The following EYA2 variants were observed in gnomAD, a reference collection of about 807,000 sequenced individuals.
EYA2 encodes the protein protein phosphatase EYA2.
EYA2 carries 31 observed loss-of-function variants against 69.2 expected under a neutral mutation model. The ratio of observed to expected loss-of-function variants is 0.45; its 90% CI spans 0.34 to 0.60. EYA2 has a LOEUF of 0.60. Ranked by LOEUF, EYA2 falls within the 20% of genes least tolerant of loss-of-function variation. The pLI is 0.02. For synonymous variants in EYA2, 257 were observed against 279.4 expected (o/e 0.92, Z 0.80); for missense variants, 622 against 701.2 (o/e 0.89, Z 1.28).
intron 1 of EYA2, among the ~76,000 whole-genome samples, chr20:46,948,129 AG>A (rs1160594803): frequency 1.3e-5 from 2 of 151,902 alleles, no homozygotes; most frequent in African/African-American, 2.4e-5. Context: ...AAAAAGAAAA[AG>A]AAAAAAGAAA....
At chr20:47,118,208 G>A (rs1474791217) in intron 9 of EYA2, among the ~76,000 whole-genome samples, 4 of 152,244 alleles carry the variant, frequency 2.6e-5, no homozygotes, top group South Asian at 4.1e-4. Context: ...CCCCACTGGG[G>A]GTTAAACCTT....
intron 10 of EYA2, among the ~76,000 whole-genome samples, chr20:47,152,736 A>G (rs1298964266): frequency 6.6e-6 from 1 of 151,170 alleles, no homozygotes; most frequent in Non-Finnish European, 1.5e-5. Context: ...ACTCGAACCC[A>G]GGAGGCAATG....
intron 9 of EYA2, among the ~76,000 whole-genome samples, chr20:47,119,648 A>T (rs2032994531): frequency 6.6e-6 from 1 of 152,160 alleles, no homozygotes; most frequent in South Asian, 2.1e-4. Flanking sequence ...GTTACTAGGG[A>T]CTGGGGGTAG....
intron 5 of EYA2, among the ~76,000 whole-genome samples, chr20:47,034,425 T>G (rs373737851): frequency 7.2e-5 from 11 of 152,238 alleles, no homozygotes; most frequent in South Asian, 2.1e-4. Context: ...AAAAACTGTG[T>G]GGGGGCAGGG....
chr20:47,037,296 C>A (rs1330431930), intron 5 of EYA2, among the ~76,000 whole-genome samples: 1 of 152,148 alleles, frequency 6.6e-6, no homozygotes, highest in Non-Finnish European at 1.5e-5. Context: ...GGACACAAAG[C>A]CTAACCATAT....
At chr20:47,158,678 G>A (rs1283542444) in intron 10 of EYA2, among the ~76,000 whole-genome samples, 2 of 151,934 alleles carry the variant, frequency 1.3e-5, no homozygotes, top group Non-Finnish European at 2.9e-5. Flanking sequence ...CTAGGGCTGG[G>A]CCAAGAACTA....
At chr20:47,061,297 C>T (rs2030872996) in intron 5 of EYA2, among the ~76,000 whole-genome samples, 1 of 152,128 alleles carries the variant, frequency 6.6e-6, no homozygotes. Flanking sequence ...GAGGCCTAGG[C>T]AGGAGGATCC....
intron 8 of EYA2, among the ~76,000 whole-genome samples, chr20:47,091,945 G>A (rs953235284): frequency 2.0e-5 from 3 of 152,138 alleles, no homozygotes; most frequent in African/African-American, 7.2e-5. Flanking sequence ...TATCCCAGTG[G>A]CCTAGCTTGG....
intron 10 of EYA2, chr20:47,160,976 TG>T: frequency 6.8e-6 from 2 of 295,900 alleles, no homozygotes; most frequent in South Asian, 4.5e-5. Flanking sequence ...TTCCAGAGGT[TG>T]GGGGTCGGGT....
intron 5 of EYA2, among the ~76,000 whole-genome samples, chr20:47,041,014 C>G (rs1379262025): frequency 6.6e-6 from 1 of 152,104 alleles, no homozygotes; most frequent in Non-Finnish European, 1.5e-5. Flanking sequence ...CTGTGGGGTC[C>G]CAGCAGGTAA....
chr20:46,928,448 G>A (rs1370014702), intron 1 of EYA2, among the ~76,000 whole-genome samples: 2 of 152,198 alleles, frequency 1.3e-5, no homozygotes, highest in Non-Finnish European at 2.9e-5. Context: ...GTGCCTTACA[G>A]GTCTCATTTT....
chr20:47,099,752 C>T (rs1197978774), intron 9 of EYA2, among the ~76,000 whole-genome samples: 1 of 152,166 alleles, frequency 6.6e-6, no homozygotes, highest in Non-Finnish European at 1.5e-5. Context: ...AAGGACTTTC[C>T]TCAGTACTCC....
intron 9 of EYA2, among the ~76,000 whole-genome samples, chr20:47,116,346 T>C (rs2032892366): frequency 6.6e-6 from 1 of 151,880 alleles, no homozygotes; most frequent in African/African-American, 2.4e-5. Flanking sequence ...CCTAGCTAAT[T>C]TTTGTATTTT....
chr20:46,930,586 GA>G (rs1368828790), intron 1 of EYA2, among the ~76,000 whole-genome samples: 4 of 152,144 alleles, frequency 2.6e-5, no homozygotes, highest in Non-Finnish European at 5.9e-5. Flanking sequence ...AAGATAACTG[GA>G]AGAGAGATGA....
intron 9 of EYA2, among the ~76,000 whole-genome samples, chr20:47,103,949 A>G (rs938667127): frequency 6.6e-6 from 1 of 152,242 alleles, no homozygotes; most frequent in Non-Finnish European, 1.5e-5. Context: ...TCTCTTAGGT[A>G]TATGCCTAGG....
At chr20:46,967,262 G>A (rs1483707325) in intron 1 of EYA2, among the ~76,000 whole-genome samples, 8 of 152,170 alleles carry the variant, frequency 5.3e-5, no homozygotes, top group Non-Finnish European at 8.8e-5. Flanking sequence ...TCGGCCTCCC[G>A]AAGTGTTGGG....
In EYA2 at chr20:47,071,327, A is replaced by G. The variant is rs527976882; in HGVS notation, c.416-858A>G. Among the ~76,000 whole-genome samples the G allele has an allele frequency of 6.6e-5, 10 of 152,202 alleles. No individual in the cohort carries two copies. In the East Asian group the frequency reaches 1.9e-3, roughly 29 times the overall value. On this transcript the variant is annotated intron_variant, in intron 5 of 15. Transcript: ENST00000327619. ...CCAGCCAATGTTTTAATTTTTTTGT[A>G]GAGACAACATCTCACTATGTTGACC...
chr20:46,925,855 C>T (rs1420089922), intron 1 of EYA2, among the ~76,000 whole-genome samples: 1 of 152,214 alleles, frequency 6.6e-6, no homozygotes, highest in African/African-American at 2.4e-5. Flanking sequence ...GCACTTGTAA[C>T]TCAGTGTTTA....
intron 10 of EYA2, among the ~76,000 whole-genome samples, chr20:47,157,577 G>A (rs1181944583): frequency 2.6e-5 from 4 of 151,738 alleles, no homozygotes; most frequent in Non-Finnish European, 5.9e-5. Context: ...ATGAAAGGGT[G>A]GACATTACTA....
Sources: gnomAD v4.1 joint callset for allele counts (sites outside exome capture counted in the v4.1 genomes callset) on GRCh38, gnomAD v4.1.1 for gene constraint, MANE v1.5 for transcripts, NCBI Gene and HGNC (gene_info 2026-07-23, HGNC 2026-07-21) for gene names.